RIT2: variants seen among roughly 807,000 people sequenced by gnomAD.
RIT2 encodes the protein Ras like without CAAX 2.
Under a neutral mutation model 23.7 loss-of-function variants are expected in RIT2, and 24 were observed. That is an observed-to-expected ratio of 1.01 (90% CI 0.73 to 1.43). The LOEUF (loss-of-function observed/expected upper bound fraction) is 1.43, where lower values mean the gene tolerates loss of function less well. Ranked by LOEUF, RIT2 falls within the 40% of genes most tolerant of loss-of-function variation. RIT2 has a pLI of 0.00. For missense variants in RIT2, 236 were observed against 266.9 expected, an observed-to-expected ratio of 0.88 and a Z score of 0.81; for synonymous variants, 107 against 91.1, an observed-to-expected ratio of 1.17 and a Z score of -0.99.
Position 43,115,673 on chromosome 18 carries a change from G to A in RIT2, c.-154C>T. 4.5e-6 allele frequency: 5 copies of A among 1,101,194 alleles called. No homozygotes were observed. The highest frequency in any genetic ancestry group is 3.6e-5 in the Admixed American group (1 of 27,814). The allele number at this position is 1,101,194 out of a possible 1,614,324, so 68.2% of individuals were successfully genotyped here. On this transcript the variant is annotated 5_prime_UTR_variant, in exon 1 of 5. It introduces an in-frame stop codon into an upstream open reading frame of the 5' UTR. Transcript: ENST00000326695. ...CGGGCTGGCTGCTGGTCCTCCGCTC[G>A]AGCGGGTCTCATAGCAACCACTTCA...
intron 4 of RIT2, among the ~76,000 whole-genome samples, chr18:42,883,518 T>C (rs1320631185): frequency 1.3e-5 from 2 of 152,172 alleles, no homozygotes; most frequent in Non-Finnish European, 2.9e-5. Flanking sequence ...TTACTCTAGG[T>C]GAATGCTTCA....
chr18:42,994,428 A>C (rs927399987), intron 2 of RIT2, among the ~76,000 whole-genome samples: 1 of 152,154 alleles, frequency 6.6e-6, no homozygotes, highest in African/African-American at 2.4e-5. Flanking sequence ...ATGGTTGGAT[A>C]ATTTTGCCTT....
intron 2 of RIT2, among the ~76,000 whole-genome samples, chr18:42,981,661 GA>G (rs201045001): frequency 1.1e-4 from 17 of 149,200 alleles, no homozygotes; most frequent in Middle Eastern, 3.4e-3. Flanking sequence ...TAGAATTCTG[GA>G]AAAAAAAATT....
intron 1 of RIT2, among the ~76,000 whole-genome samples, chr18:43,038,310 G>A (rs1028567705): frequency 1.7e-5 from 2 of 118,690 alleles, no homozygotes; most frequent in South Asian, 3.0e-4. Flanking sequence ...TTATTGAATC[G>A]TGGTTTTTTT....
intron 4 of RIT2, among the ~76,000 whole-genome samples, chr18:42,843,964 G>A (rs531898480): frequency 6.6e-6 from 1 of 152,338 alleles, no homozygotes; most frequent in South Asian, 2.1e-4. Flanking sequence ...GAAAGAGGGA[G>A]TTAAGAAATA....
At chr18:43,004,383 C>T (rs986074066) in intron 2 of RIT2, among the ~76,000 whole-genome samples, 8 of 151,784 alleles carry the variant, frequency 5.3e-5, no homozygotes, top group African/African-American at 9.7e-5. Context: ...TTTATGCAAA[C>T]GTGACCCATA....
rs1913686902 is a variant in RIT2, at chr18:42,776,961, A to C, written c.427-33241T>G. 2.6e-5 allele frequency among the ~76,000 whole-genome samples: 4 copies of C among 152,270 alleles called. No individual in the cohort carries two copies. In the South Asian group the frequency reaches 8.3e-4, roughly 32 times the overall value. On this transcript the variant is annotated intron_variant, in intron 4 of 4. Coordinates refer to ENST00000326695, the MANE Select transcript of RIT2 (RefSeq NM_002930.4). ...GAAGGAAAACAAAGAAATTTATTGA[A>C]GTATTTTAAAAGCATGAGATTGGAT...
intron 3 of RIT2, among the ~76,000 whole-genome samples, chr18:42,931,646 A>C (rs530256013): frequency 6.6e-6 from 1 of 152,280 alleles, no homozygotes; most frequent in African/African-American, 2.4e-5. Flanking sequence ...AGATATTTTT[A>C]ATCGCAGCTG....
Position 42,995,179 on chromosome 18 carries a change from C to G in RIT2, c.161-21032G>C, listed in dbSNP as rs146092218. Among the ~76,000 whole-genome samples, 277 of 152,246 alleles carry G rather than the reference C, an allele frequency of 1.8e-3. 3 individuals carry two copies. Among genetic ancestry groups the G allele is most frequent in the African/African-American group, 6.5e-3 (271 of 41,540 alleles). On this transcript the variant is annotated intron_variant, in intron 2 of 4. Coordinates refer to ENST00000326695, the MANE Select transcript of RIT2 (RefSeq NM_002930.4). ...AAGCCACTGGCCCACCTCTTAAAAC[C>G]TCTCATTTCCTTTCCATCTTGGAAA...
chr18:42,832,747 C>A (rs548428575), intron 4 of RIT2, among the ~76,000 whole-genome samples: 2 of 152,096 alleles, frequency 1.3e-5, no homozygotes, highest in Non-Finnish European at 2.9e-5. Flanking sequence ...CCTGTGTTAT[C>A]AAATATTATA....
chr18:42,856,827 CTTTTTTTTT>C (rs756725926), intron 4 of RIT2, among the ~76,000 whole-genome samples: 1 of 114,656 alleles, frequency 8.7e-6, no homozygotes, highest in African/African-American at 3.8e-5. Flanking sequence ...CTCTCTCTCT[CTTTTTTTTT>C]TTTTTTTTTT....
chr18:42,904,302 C>G (rs2144110400), intron 4 of RIT2, among the ~76,000 whole-genome samples: 3 of 152,184 alleles, frequency 2.0e-5, no homozygotes, highest in Middle Eastern at 3.4e-3. Context: ...TCAAGCAAAA[C>G]CCTTTTCAGC....
chr18:42,918,496 T>C (rs1394903098), intron 4 of RIT2, among the ~76,000 whole-genome samples: 1 of 152,160 alleles, frequency 6.6e-6, no homozygotes, highest in African/African-American at 2.4e-5. Flanking sequence ...TTTTTTTCTC[T>C]TCAAAAAATA....
chr18:42,964,006 A>G (rs894284250), intron 3 of RIT2, among the ~76,000 whole-genome samples: 2 of 152,100 alleles, frequency 1.3e-5, no homozygotes, highest in Non-Finnish European at 2.9e-5. Flanking sequence ...CCTGGCCAAC[A>G]TGGTGAAACC....
chr18:42,845,622 A>G (rs1356308464), intron 4 of RIT2, among the ~76,000 whole-genome samples: 1 of 149,852 alleles, frequency 6.7e-6, no homozygotes, highest in Admixed American at 6.7e-5. Flanking sequence ...AAATTTCCTT[A>G]CATTCCAAAT....
At chr18:42,818,973 C>T (rs1218495320) in intron 4 of RIT2, among the ~76,000 whole-genome samples, 2 of 151,932 alleles carry the variant, frequency 1.3e-5, no homozygotes, top group South Asian at 2.1e-4. Flanking sequence ...GTTACAAGTG[C>T]TAAATGTTAT....
intron 2 of RIT2, among the ~76,000 whole-genome samples, chr18:42,983,029 A>G (rs951794470): frequency 6.6e-6 from 1 of 152,124 alleles, no homozygotes; most frequent in South Asian, 2.1e-4. Context: ...TAATTCCACA[A>G]TATAATGAAT....
chr18:42,816,436 C>A (rs933675109), intron 4 of RIT2, among the ~76,000 whole-genome samples: 1 of 151,982 alleles, frequency 6.6e-6, no homozygotes. Context: ...TATTGAAGTG[C>A]GCATAGATAA....
chr18:42,837,573 T>C (rs1377913435), intron 4 of RIT2, among the ~76,000 whole-genome samples: 1 of 152,152 alleles, frequency 6.6e-6, no homozygotes, highest in African/African-American at 2.4e-5. Flanking sequence ...TGAGCAAAAA[T>C]GCTATTCAAA....
Sources: gnomAD v4.1 joint callset for allele counts (sites outside exome capture counted in the v4.1 genomes callset) on GRCh38, gnomAD v4.1.1 for gene constraint, MANE v1.5 for transcripts, NCBI Gene and HGNC (gene_info 2026-07-23, HGNC 2026-07-21) for gene names.